Variants in AQP8 observed in about 807,000 individuals in gnomAD.
AQP8 encodes aquaporin 8.
Under a neutral mutation model 26.1 loss-of-function variants are expected in AQP8, and 14 were observed. That is an observed-to-expected ratio of 0.54 (90% CI 0.35 to 0.84). AQP8 has a LOEUF of 0.84. Among genes scored for constraint, AQP8 ranks in the 40% least tolerant of loss-of-function variants. The pLI, the probability that AQP8 is intolerant of heterozygous loss-of-function variation, is 0.01. For missense variants in AQP8, 301 were observed against 340.5 expected, an observed-to-expected ratio of 0.88 and a Z score of 0.91; for synonymous variants, 131 against 150.7, an observed-to-expected ratio of 0.87 and a Z score of 0.96.
At position 25,224,532 on chromosome 16, in the gene AQP8, C is replaced by T. The variant is rs763600414; in HGVS notation, c.558C>T (p.Ala186=). The change falls in exon 4 of 6, where the codon GCC becomes GCT. Residue 186 remains alanine (A), a synonymous_variant. Transcript: ENST00000219660. ...ATGAGAAGACAAAGGGCCCTCTGGC[C>T]CCGTTCTCCATCGGCTTTGCCGTCA... is the stretch of plus-strand genomic sequence containing the variant. ...AINEKTKGPL[A]PFSIGFAVTV... 79 of 1,613,576 alleles carry T rather than the reference C, an allele frequency of 4.9e-5. No individual in the cohort carries two copies. The highest frequency in any genetic ancestry group is 6.4e-5 in the Non-Finnish European group (75 of 1,180,000).
chr16:25,228,159 C>G (rs1241861122), intron 5 of AQP8, among the ~76,000 whole-genome samples: 2 of 151,374 alleles, frequency 1.3e-5, no homozygotes, highest in African/African-American at 4.9e-5. Flanking sequence ...CCCAGCTACT[C>G]GGGAGGCTGA....
intron 3 of AQP8, among the ~76,000 whole-genome samples, chr16:25,222,093 T>C (rs945402551): frequency 6.6e-6 from 1 of 150,994 alleles, no homozygotes; most frequent in Non-Finnish European, 1.5e-5. Flanking sequence ...AGAGATAGGG[T>C]CTCACTCTGT....
chr16:25,221,816 G>A (rs776428175), intron 3 of AQP8, among the ~76,000 whole-genome samples: 74 of 152,114 alleles, frequency 4.9e-4, no homozygotes, highest in Non-Finnish European at 6.8e-4. Flanking sequence ...CACCCAGGCT[G>A]GAGTGCAGTG....
chr16:25,221,656 G>A, intron 3 of AQP8, 73 bp downstream of exon 3: 1 of 1,568,360 alleles, frequency 6.4e-7, no homozygotes, highest in Non-Finnish European at 8.7e-7. Context: ...GTGGGTGTGT[G>A]TGTGGGACAG....
rs111572783 is a variant in AQP8, at chr16:25,217,367, C to T, written c.182C>T (p.Thr61Met). The change falls in exon 2 of 6, where the codon ACG becomes ATG. Residue 61 changes from threonine to methionine, a missense_variant. Thr to Met is a moderately conservative substitution (Grantham distance 81). Transcript: ENST00000219660. ...TGCCTGTCGGTCATTGAGAATGGGA[C>T]GGACACTGGGCTGCTGCAGCCGGCC... is the stretch of plus-strand genomic sequence containing the variant. Reference protein sequence around the residue: ...IGCLSVIENGTDTGLLQPALA... With the variant: ...IGCLSVIENGMDTGLLQPALA... The T allele has an allele frequency of 6.3e-5, 102 of 1,614,048 alleles. No homozygotes were observed. Among genetic ancestry groups the T allele is most frequent in the Admixed American group, 4.3e-4 (26 of 60,004 alleles).
rs756079576 is a variant in AQP8, at chr16:25,221,596, C to T, written c.387+13C>T. On this transcript the variant is annotated intron_variant, in intron 3 of 5. Coordinates refer to ENST00000219660, the MANE Select transcript of AQP8 (RefSeq NM_001169.3). ...TGCCTTGGCCAAGGTGGGTAAACCC[C>T]AGGGGCTGGGCTAGTCTTCCTCTCT... 2.2e-5 allele frequency: 36 copies of T among 1,613,514 alleles called. No homozygotes were observed. The highest frequency in any genetic ancestry group is 1.0e-4 in the Admixed American group (6 of 59,960).
chr16:25,217,007 G>A lies in AQP8; in HGVS notation c.-39G>A. 6.2e-7 allele frequency: 1 copy of A among 1,613,672 alleles called. No individual in the cohort carries two copies. The highest frequency in any genetic ancestry group is 8.5e-7 in the Non-Finnish European group (1 of 1,180,008). On this transcript the variant is annotated 5_prime_UTR_variant, in exon 1 of 6. Transcript: ENST00000219660. ...CACAGCAGGTGCAGGTTTCCCAGCA[G>A]CTCAGGCAAGAGTCCGATGTTTGTG...
At position 25,217,042 on chromosome 16, in the gene AQP8, C is replaced by A; in HGVS notation, c.-4C>A. 6.2e-7 allele frequency: 1 copy of A among 1,614,024 alleles called. No homozygotes were observed. The highest frequency in any genetic ancestry group is 8.5e-7 in the Non-Finnish European group (1 of 1,180,044). On this transcript the variant is annotated 5_prime_UTR_variant, in exon 1 of 6. Transcript: ENST00000219660. ...GAGTCCGATGTTTGTGCCATCTGATCCTGATGTCTGGAGAGGTGAGCCCTC... is the reference window on the plus strand; with the variant it reads ...GAGTCCGATGTTTGTGCCATCTGATACTGATGTCTGGAGAGGTGAGCCCTC...
chr16:25,218,741 G>A (rs1254387280), intron 2 of AQP8, among the ~76,000 whole-genome samples: 4 of 151,532 alleles, frequency 2.6e-5, no homozygotes, highest in Non-Finnish European at 5.9e-5. Context: ...TTAGCTGGGC[G>A]TGGGGGCAGG....
chr16:25,222,062 C>T (rs935902795), intron 3 of AQP8, among the ~76,000 whole-genome samples: 1 of 151,576 alleles, frequency 6.6e-6, no homozygotes. Flanking sequence ...GCCACTGTGC[C>T]CGGCCTCTCT....
intron 2 of AQP8, among the ~76,000 whole-genome samples, chr16:25,219,131 C>G (rs1962524709): frequency 6.6e-6 from 1 of 151,328 alleles, no homozygotes; most frequent in African/African-American, 2.4e-5. Context: ...CTACTATGGG[C>G]TGTACAAATA....
intron 3 of AQP8, among the ~76,000 whole-genome samples, chr16:25,222,034 C>CT: frequency 1.3e-5 from 2 of 152,212 alleles, no homozygotes; most frequent in South Asian, 2.1e-4. Flanking sequence ...TCCCAAAGTG[C>CT]TGGGGTTACA....
At position 25,224,458 on chromosome 16, in the gene AQP8, A is replaced by G. The variant is rs1567344547; in HGVS notation, c.484A>G (p.Ile162Val). ...GGTGGCAGGGGCGTTGGTGGCAGAGATCATCCTGACGACGCTGCTGGCCCT... is the reference window on the plus strand; with the variant it reads ...GGTGGCAGGGGCGTTGGTGGCAGAGGTCATCCTGACGACGCTGCTGGCCCT... ...GQVAGALVAE[I>V]ILTTLLALAV... Residue 162 changes from isoleucine (I) to valine (V), a missense_variant, in exon 4 of 6, where the codon ATC becomes GTC. Physicochemically the swap from Ile to Val is conservative, Grantham distance 29. Transcript: ENST00000219660. 1 of 1,614,142 alleles carries G rather than the reference A, an allele frequency of 6.2e-7. No individual in the cohort carries two copies. Among genetic ancestry groups the G allele is most frequent in the East Asian group, 2.2e-5 (1 of 44,874 alleles).
At chr16:25,226,341 T>A (rs994621080) in intron 4 of AQP8, among the ~76,000 whole-genome samples, 2 of 152,216 alleles carry the variant, frequency 1.3e-5, no homozygotes, top group African/African-American at 4.8e-5. Context: ...CACTGCAACT[T>A]CCAACCCCCA....
Position 25,221,371 on chromosome 16 carries a change from G to A in AQP8, c.261-86G>A, listed in dbSNP as rs1233352650. 1.5e-5 allele frequency: 23 copies of A among 1,534,148 alleles called. No homozygotes were observed. In the South Asian group the frequency reaches 2.2e-4, roughly 14 times the overall value. On this transcript the variant is annotated intron_variant, in intron 2 of 5. Coordinates refer to ENST00000219660, the MANE Select transcript of AQP8 (RefSeq NM_001169.3). ...ACTCTTGCCCTGAGAGGCCAGCCTG[G>A]TGGGTTGGCTGGGACACACTGTCTC...
chr16:25,221,980 C>A (rs1169594496), intron 3 of AQP8, among the ~76,000 whole-genome samples: 1 of 152,160 alleles, frequency 6.6e-6, no homozygotes, highest in Non-Finnish European at 1.5e-5. Flanking sequence ...GTTGGCCAGG[C>A]TGGTCTTGAA....
At chr16:25,227,003 A>G (rs1962643436) in intron 4 of AQP8, 65 bp from the exon 5 acceptor site, 2 of 1,609,604 alleles carry the variant, frequency 1.2e-6, no homozygotes, top group Non-Finnish European at 1.7e-6. Flanking sequence ...AGTTGGGGAC[A>G]TGAGTGTGAG....
chr16:25,221,635 G>A (rs770358442), intron 3 of AQP8, 52 bp downstream of exon 3: 81 of 1,608,806 alleles, frequency 5.0e-5, no homozygotes, highest in Non-Finnish European at 6.2e-5. Flanking sequence ...GGGGCTGCTG[G>A]AGGTGCATAT....
chr16:25,220,450 G>A (rs1224604346), intron 2 of AQP8, among the ~76,000 whole-genome samples: 2 of 152,182 alleles, frequency 1.3e-5, no homozygotes, highest in South Asian at 2.1e-4. Context: ...GGCCTGGGCT[G>A]GTTGAACATC....
Sources: gnomAD v4.1 joint callset for allele counts (sites outside exome capture counted in the v4.1 genomes callset) on GRCh38, gnomAD v4.1.1 for gene constraint, MANE v1.5 for transcripts, NCBI Gene and HGNC (gene_info 2026-07-23, HGNC 2026-07-21) for gene names.